The following CHSY3 variants were observed in gnomAD, a reference collection of about 807,000 sequenced individuals.
CHSY3 encodes the protein chondroitin sulfate synthase 3, also known as N-acetylgalactosaminyl-proteoglycan 3-beta-glucuronosyltransferase 3.
CHSY3 carries 35 observed loss-of-function variants against 67.2 expected under a neutral mutation model. The observed-to-expected ratio is 0.52, with a 90% CI of 0.40 to 0.69. The LOEUF (loss-of-function observed/expected upper bound fraction) is 0.69. Ranked by LOEUF, CHSY3 falls within the 30% of genes least tolerant of loss-of-function variation. The probability of loss-of-function intolerance (pLI) is 0.00; values close to 1 mark genes in which losing one functional copy is unlikely to be tolerated. For missense variants in CHSY3, 1,069 were observed against 1,138.5 expected, an observed-to-expected ratio of 0.94 and a Z score of 0.88; for synonymous variants, 474 against 434.7, an observed-to-expected ratio of 1.09 and a Z score of -1.12.
intron 2 of CHSY3, chr5:130,002,077 GCCT>G (rs1392440859): frequency 1.1e-6 from 1 of 941,178 alleles, no homozygotes; most frequent in African/African-American, 1.8e-5. Context: ...AAATTCTGTT[GCCT>G]ATAAACAAAG....
intron 2 of CHSY3, among the ~76,000 whole-genome samples, chr5:130,108,922 G>A (rs897505030): frequency 1.3e-5 from 2 of 151,478 alleles, no homozygotes; most frequent in African/African-American, 4.8e-5. Context: ...TTTATATTTT[G>A]TATAACATTT....
intron 2 of CHSY3, among the ~76,000 whole-genome samples, chr5:130,004,594 G>A (rs571298899): frequency 1.0e-3 from 154 of 152,212 alleles, no homozygotes; most frequent in African/African-American, 3.5e-3. Context: ...TGTAAGACTC[G>A]ATTTTGGTAA....
At chr5:129,935,449 A>G (rs1761456403) in intron 2 of CHSY3, among the ~76,000 whole-genome samples, 1 of 152,186 alleles carries the variant, frequency 6.6e-6, no homozygotes, top group Admixed American at 6.5e-5. Context: ...GGCCTTTATT[A>G]GTCATCCCTT....
At chr5:129,998,040 G>T (rs907075416) in intron 2 of CHSY3, among the ~76,000 whole-genome samples, 1 of 152,124 alleles carries the variant, frequency 6.6e-6, no homozygotes, top group African/African-American at 2.4e-5. Context: ...TGCGATTGCT[G>T]GGTCAAATGG....
chr5:129,946,541 C>T (rs1332292362), intron 2 of CHSY3, among the ~76,000 whole-genome samples: 2 of 152,130 alleles, frequency 1.3e-5, no homozygotes, highest in Admixed American at 6.6e-5. Flanking sequence ...CTATGCTATA[C>T]ATTAGGTCTC....
chr5:130,113,869 A>G (rs1767675866), intron 2 of CHSY3, among the ~76,000 whole-genome samples: 1 of 152,190 alleles, frequency 6.6e-6, no homozygotes, highest in Non-Finnish European at 1.5e-5. Context: ...TAAAACTTCT[A>G]TTAGTGGAGG....
intron 2 of CHSY3, among the ~76,000 whole-genome samples, chr5:130,159,001 A>G (rs1054055805): frequency 3.3e-5 from 5 of 152,006 alleles, no homozygotes; most frequent in African/African-American, 1.2e-4. Flanking sequence ...CAGTTTCACC[A>G]TGTTGCCCAG....
intron 2 of CHSY3, among the ~76,000 whole-genome samples, chr5:130,020,982 C>T (rs1262538677): frequency 1.3e-5 from 2 of 152,060 alleles, no homozygotes; most frequent in African/African-American, 2.4e-5. Context: ...GTTGTGTCCT[C>T]CGTAATTGGT....
chr5:130,147,312 T>G (rs1172370051), intron 2 of CHSY3, among the ~76,000 whole-genome samples: 4 of 152,144 alleles, frequency 2.6e-5, no homozygotes, highest in Non-Finnish European at 5.9e-5. Flanking sequence ...CATACGTGAG[T>G]TGTGATTGTA....
intron 2 of CHSY3, among the ~76,000 whole-genome samples, chr5:130,049,684 A>C (rs1476939893): frequency 6.6e-6 from 1 of 152,026 alleles, no homozygotes; most frequent in Non-Finnish European, 1.5e-5. Context: ...ATGCTCTTTG[A>C]TGCACTAATT....
intron 2 of CHSY3, among the ~76,000 whole-genome samples, chr5:130,031,626 A>G (rs1460801501): frequency 1.3e-5 from 2 of 152,168 alleles, no homozygotes; most frequent in African/African-American, 4.8e-5. Context: ...CAGGGGATAT[A>G]TATCTTGCAT....
At chr5:129,919,413 C>A (rs1383251017) in intron 2 of CHSY3, among the ~76,000 whole-genome samples, 1 of 152,152 alleles carries the variant, frequency 6.6e-6, no homozygotes, top group Non-Finnish European at 1.5e-5. Context: ...TCTTTTCTCA[C>A]ACTGCTGATA....
chr5:130,122,832 C>T (rs181491887), intron 2 of CHSY3, among the ~76,000 whole-genome samples: 2 of 152,192 alleles, frequency 1.3e-5, no homozygotes, highest in East Asian at 3.9e-4. Context: ...TTTCATAAAA[C>T]ACATATTAGA....
intron 2 of CHSY3, among the ~76,000 whole-genome samples, chr5:130,055,371 G>A (rs1214520266): frequency 6.6e-6 from 1 of 150,698 alleles, no homozygotes; most frequent in Non-Finnish European, 1.5e-5. Context: ...CATAGTTTAT[G>A]ATACGTGGCT....
At chr5:130,037,724 A>T (rs1328097582) in intron 2 of CHSY3, among the ~76,000 whole-genome samples, 1 of 152,068 alleles carries the variant, frequency 6.6e-6, no homozygotes, top group Non-Finnish European at 1.5e-5. Flanking sequence ...TTAATTTTTT[A>T]AAATGAAAGG....
intron 2 of CHSY3, among the ~76,000 whole-genome samples, chr5:130,012,051 C>T (rs1177905927): frequency 6.6e-6 from 1 of 152,198 alleles, no homozygotes; most frequent in Non-Finnish European, 1.5e-5. Flanking sequence ...TTTCAATGCT[C>T]TTTGTACCAA....
At chr5:130,000,338 TTGAC>T (rs1410035117) in intron 2 of CHSY3, among the ~76,000 whole-genome samples, 1 of 152,204 alleles carries the variant, frequency 6.6e-6, no homozygotes, top group South Asian at 2.1e-4. Flanking sequence ...TAATTTTTAT[TTGAC>T]TGTTAGTAGT....
At chr5:129,931,818 TG>T (rs1297003962) in intron 2 of CHSY3, among the ~76,000 whole-genome samples, 1 of 152,014 alleles carries the variant, frequency 6.6e-6, no homozygotes, top group African/African-American at 2.4e-5. Flanking sequence ...TCTGCATGGA[TG>T]AAAGTCCTCC....
Position 130,162,827 on chromosome 5 carries a change from T to C in CHSY3, c.1087-21402T>C, listed in dbSNP as rs530209044. Among the ~76,000 whole-genome samples, 7 of 152,298 alleles carry C rather than the reference T, an allele frequency of 4.6e-5. No homozygotes were observed. In the East Asian group the frequency reaches 1.4e-3, roughly 29 times the overall value. Reference sequence around the variant, plus strand: ...GGATGGTAGAAAGGCCACATACCAATTGTACTGTGGCTGGCACAATGCAAA... The same window carrying C: ...GGATGGTAGAAAGGCCACATACCAACTGTACTGTGGCTGGCACAATGCAAA... On this transcript the variant is annotated intron_variant, in intron 2 of 2. Transcript: ENST00000305031.
Sources: allele counts gnomAD v4.1 joint callset (sites outside exome capture counted in the v4.1 genomes callset), GRCh38; gene constraint gnomAD v4.1.1; transcripts MANE v1.5; gene names NCBI Gene and HGNC (gene_info 2026-07-23, HGNC 2026-07-21).